DTD1: variants seen among roughly 807,000 people sequenced by gnomAD.
DTD1 encodes the protein D-tyrosyl-tRNA deacylase 1 homolog.
Under a neutral mutation model 25.6 loss-of-function variants are expected in DTD1, and 13 were observed. That is an observed-to-expected ratio of 0.51 (90% CI 0.33 to 0.81). The LOEUF (loss-of-function observed/expected upper bound fraction) is 0.81. Among genes scored for constraint, DTD1 ranks in the 30% least tolerant of loss-of-function variants. The pLI is 0.02. For synonymous variants in DTD1, 110 were observed against 103.6 expected (o/e 1.06, Z -0.37); for missense variants, 193 against 266.4 (o/e 0.72, Z 1.92).
At chr20:18,746,938 T>C (rs1255342839) in intron 5 of DTD1, among the ~76,000 whole-genome samples, 2 of 152,178 alleles carry the variant, frequency 1.3e-5, no homozygotes, top group Non-Finnish European at 2.9e-5. Flanking sequence ...GTGACCAGCC[T>C]TGGCTTATGT....
intron 5 of DTD1, among the ~76,000 whole-genome samples, chr20:18,761,418 G>A (rs1392039214): frequency 6.6e-6 from 1 of 152,078 alleles, no homozygotes; most frequent in Non-Finnish European, 1.5e-5. Flanking sequence ...TTCTAAACAG[G>A]TAATTCTACA....
intron 3 of DTD1, among the ~76,000 whole-genome samples, chr20:18,608,726 T>C (rs1245999212): frequency 6.6e-6 from 1 of 152,234 alleles, no homozygotes; most frequent in Non-Finnish European, 1.5e-5. Context: ...GGCTGTCATA[T>C]TGGATAATGT....
intron 4 of DTD1, among the ~76,000 whole-genome samples, chr20:18,741,615 T>C (rs2095590935): frequency 6.6e-6 from 1 of 152,220 alleles, no homozygotes; most frequent in South Asian, 2.1e-4. Flanking sequence ...ATGAGCTCAC[T>C]AGCTATGTAG....
intron 4 of DTD1, among the ~76,000 whole-genome samples, chr20:18,660,877 C>T (rs1463684913): frequency 1.3e-5 from 2 of 152,206 alleles, no homozygotes; most frequent in South Asian, 2.1e-4. Flanking sequence ...GTACCCCTCA[C>T]CCGGTTTCTC....
chr20:18,671,856 T>A (rs539946245), intron 4 of DTD1, among the ~76,000 whole-genome samples: 2 of 152,282 alleles, frequency 1.3e-5, no homozygotes, highest in South Asian at 2.1e-4. Context: ...CTGGGGCCAG[T>A]GTGCAGAAAC....
At chr20:18,666,809 ATG>A (rs2060933010) in intron 4 of DTD1, among the ~76,000 whole-genome samples, 1 of 152,174 alleles carries the variant, frequency 6.6e-6, no homozygotes, top group Non-Finnish European at 1.5e-5. Flanking sequence ...GAATCAGTTT[ATG>A]TGTGTGTTTT....
At chr20:18,649,326 C>CTGTTTT (rs2060864115) in intron 4 of DTD1, among the ~76,000 whole-genome samples, 1 of 57,626 alleles carries the variant, frequency 1.7e-5, no homozygotes, top group Non-Finnish European at 3.1e-5. Context: ...ATTCATCTTT[C>CTGTTTT]TTTTTTTTTT....
chr20:18,633,179 C>T (rs1479587609), intron 4 of DTD1, among the ~76,000 whole-genome samples: 2 of 152,158 alleles, frequency 1.3e-5, no homozygotes, highest in Non-Finnish European at 2.9e-5. Flanking sequence ...TTGCCAAGGC[C>T]TAAGTGACCA....
At chr20:18,622,170 C>T (rs1171288697) in intron 3 of DTD1, among the ~76,000 whole-genome samples, 6 of 152,136 alleles carry the variant, frequency 3.9e-5, no homozygotes, top group Non-Finnish European at 8.8e-5. Context: ...CACCTATCAA[C>T]CTGTCATCTA....
intron 4 of DTD1, among the ~76,000 whole-genome samples, chr20:18,712,259 A>G (rs1368300867): frequency 1.3e-5 from 2 of 152,136 alleles, no homozygotes; most frequent in Non-Finnish European, 2.9e-5. Flanking sequence ...TCTTGTTTGT[A>G]ATTTTTTGTG....
intron 4 of DTD1, among the ~76,000 whole-genome samples, chr20:18,662,805 G>C (rs550312776): frequency 1.7e-4 from 26 of 152,076 alleles, no homozygotes; most frequent in African/African-American, 5.8e-4. Flanking sequence ...CATCTTGTCA[G>C]TTCTGGCCTT....
intron 4 of DTD1, among the ~76,000 whole-genome samples, chr20:18,689,645 A>G (rs551488094): frequency 3.3e-5 from 5 of 152,126 alleles, no homozygotes; most frequent in Non-Finnish European, 7.3e-5. Flanking sequence ...CATGTGGACA[A>G]TAAAAACCAT....
At chr20:18,649,731 A>G (rs1252053487) in intron 4 of DTD1, among the ~76,000 whole-genome samples, 3 of 152,116 alleles carry the variant, frequency 2.0e-5, no homozygotes, top group African/African-American at 7.2e-5. Context: ...GCTTACTGTA[A>G]ATGTGAGTTG....
chr20:18,654,034 C>T (rs571075619), intron 4 of DTD1, among the ~76,000 whole-genome samples: 8 of 152,284 alleles, frequency 5.3e-5, no homozygotes, highest in African/African-American at 1.4e-4. Context: ...GACTGAACTT[C>T]GTTAAATATG....
chr20:18,698,204 T>C (rs1253337401), intron 4 of DTD1, among the ~76,000 whole-genome samples: 1 of 152,250 alleles, frequency 6.6e-6, no homozygotes, highest in African/African-American at 2.4e-5. Context: ...AGTTCAGTTC[T>C]GTATTATTAA....
Position 18,657,962 on chromosome 20 carries a change from G to C in DTD1, c.477+29729G>C, listed in dbSNP as rs73601841. On this transcript the variant is annotated intron_variant, in intron 4 of 5. Coordinates refer to ENST00000377452, the MANE Select transcript of DTD1 (RefSeq NM_080820.6). ...TGGTTACAGAGGTCAGCCTTACTCAGTATTAGAGGGGAGTACACAGGGCCT... is the reference window on the plus strand; with the variant it reads ...TGGTTACAGAGGTCAGCCTTACTCACTATTAGAGGGGAGTACACAGGGCCT... Among the ~76,000 whole-genome samples, 19 of 152,282 alleles carry C rather than the reference G, an allele frequency of 1.2e-4. 1 individual carries two copies. In the East Asian group the frequency reaches 3.3e-3, roughly 26 times the overall value.
intron 3 of DTD1, among the ~76,000 whole-genome samples, chr20:18,609,734 G>C (rs987471569): frequency 6.6e-6 from 1 of 152,138 alleles, no homozygotes; most frequent in Non-Finnish European, 1.5e-5. Flanking sequence ...TAGATGAACA[G>C]AACATTCCCA....
chr20:18,641,432 G>A (rs1043337825), intron 4 of DTD1, among the ~76,000 whole-genome samples: 1 of 152,086 alleles, frequency 6.6e-6, no homozygotes, highest in South Asian at 2.1e-4. Flanking sequence ...TTTCCACAGC[G>A]TCTGTACCAT....
intron 4 of DTD1, among the ~76,000 whole-genome samples, chr20:18,728,869 A>G (rs556316883): frequency 2.0e-5 from 3 of 152,296 alleles, no homozygotes; most frequent in Admixed American, 6.5e-5. Context: ...CCATTCTCCA[A>G]TTTCATTGTT....
Sources: gnomAD v4.1 joint callset for allele counts (sites outside exome capture counted in the v4.1 genomes callset) on GRCh38, gnomAD v4.1.1 for gene constraint, MANE v1.5 for transcripts, NCBI Gene and HGNC (gene_info 2026-07-23, HGNC 2026-07-21) for gene names.